RALGPS1: variants seen among roughly 807,000 people sequenced by gnomAD.
The protein encoded by RALGPS1 is ras-specific guanine nucleotide-releasing factor RalGPS1.
Under a neutral mutation model 78.8 loss-of-function variants are expected in RALGPS1, and 19 were observed. The ratio of observed to expected loss-of-function variants is 0.24; its 90% CI spans 0.17 to 0.35. The LOEUF is 0.35. Ranked by LOEUF, RALGPS1 falls within the 10% of genes least tolerant of loss-of-function variation. The probability of loss-of-function intolerance (pLI) is 1.00; values close to 1 mark genes in which losing one functional copy is unlikely to be tolerated. For synonymous variants in RALGPS1, 228 were observed against 256.3 expected (o/e 0.89, Z 1.06); for missense variants, 454 against 688.3 (o/e 0.66, Z 3.81).
At chr9:126,976,313 T>TCTCACACACACA (rs112367251) in intron 3 of RALGPS1, among the ~76,000 whole-genome samples, 1 of 150,350 alleles carries the variant, frequency 6.7e-6, no homozygotes, top group Non-Finnish European at 1.5e-5. Flanking sequence ...ACACTCATTC[T>TCTCACACACACA]CACACACACA....
chr9:127,051,873 T>C (rs1432380150), intron 6 of RALGPS1, among the ~76,000 whole-genome samples: 1 of 152,178 alleles, frequency 6.6e-6, no homozygotes, highest in Non-Finnish European at 1.5e-5. Flanking sequence ...TGCATGGACT[T>C]CTGTGGGGAC....
intron 11 of RALGPS1, among the ~76,000 whole-genome samples, chr9:127,186,531 T>C (rs2060657146): frequency 1.3e-5 from 2 of 152,236 alleles, no homozygotes; most frequent in African/African-American, 4.8e-5. Context: ...TGTCACGTGG[T>C]GGCCACCCCA....
In RALGPS1 at chr9:127,168,782, C is replaced by G; in HGVS notation, c.842+10C>G. 1 of 1,592,802 alleles carries G rather than the reference C, an allele frequency of 6.3e-7. No homozygotes were observed. The highest frequency in any genetic ancestry group is 8.6e-7 in the Non-Finnish European group (1 of 1,160,624). On this transcript the variant is annotated intron_variant, in intron 10 of 18. Coordinates refer to ENST00000259351, the MANE Select transcript of RALGPS1 (RefSeq NM_014636.3). ...AAGACGACAACTACAAGTAAGTCCC[C>G]ACGTATTCCTGTGTCAGGCCTCCCA...
intron 8 of RALGPS1, among the ~76,000 whole-genome samples, chr9:127,125,634 C>T (rs1282326684): frequency 6.6e-6 from 1 of 152,148 alleles, no homozygotes; most frequent in Non-Finnish European, 1.5e-5. Flanking sequence ...CCACTCCCAC[C>T]CTGATCCTCT....
chr9:126,983,980 G>A (rs181167306), intron 4 of RALGPS1, among the ~76,000 whole-genome samples: 2 of 152,220 alleles, frequency 1.3e-5, no homozygotes, highest in East Asian at 1.9e-4. Flanking sequence ...TTCAGGTGGT[G>A]ACTGTTTTAT....
At chr9:127,095,405 A>AT (rs1323369674) in intron 8 of RALGPS1, among the ~76,000 whole-genome samples, 22 of 152,312 alleles carry the variant, frequency 1.4e-4, no homozygotes, top group Non-Finnish European at 2.5e-4. Flanking sequence ...TCCGTCTCAA[A>AT]AAAATAAATA....
chr9:126,941,981 C>G (rs1365788545), intron 1 of RALGPS1, among the ~76,000 whole-genome samples: 1 of 152,180 alleles, frequency 6.6e-6, no homozygotes, highest in East Asian at 1.9e-4. Flanking sequence ...AAAAATAGCT[C>G]ATATTAATCC....
At chr9:127,156,384 A>G (rs1315697916) in intron 8 of RALGPS1, among the ~76,000 whole-genome samples, 1 of 152,166 alleles carries the variant, frequency 6.6e-6, no homozygotes, top group African/African-American at 2.4e-5. Flanking sequence ...GTTTCTATCA[A>G]TTTATGCTGT....
chr9:126,962,914 G>A (rs181088619), intron 2 of RALGPS1, among the ~76,000 whole-genome samples: 48 of 152,302 alleles, frequency 3.2e-4, no homozygotes, highest in African/African-American at 9.9e-4. Flanking sequence ...CCTGCTCCTC[G>A]GACAGATTGG....
chr9:127,121,868 C>T (rs1420147185), intron 8 of RALGPS1, among the ~76,000 whole-genome samples: 1 of 152,296 alleles, frequency 6.6e-6, no homozygotes, highest in East Asian at 1.9e-4. Context: ...TTGCCTTTGC[C>T]TCACATTGTC....
chr9:127,069,110 A>G, intron 7 of RALGPS1, 120 bp from the exon 8 acceptor site: 1 of 994,404 alleles, frequency 1.0e-6, no homozygotes, highest in Non-Finnish European at 1.5e-6. Flanking sequence ...AGTTCTGTCC[A>G]GGATTCGGCA....
chr9:127,083,880 G>A (rs1162828069), intron 8 of RALGPS1, among the ~76,000 whole-genome samples: 1 of 152,158 alleles, frequency 6.6e-6, no homozygotes, highest in African/African-American at 2.4e-5. Flanking sequence ...GAGGTCTGGA[G>A]TGGGGGAAGA....
At chr9:126,979,378 A>G (rs944337818) in intron 4 of RALGPS1, among the ~76,000 whole-genome samples, 2 of 151,642 alleles carry the variant, frequency 1.3e-5, no homozygotes, top group Admixed American at 6.6e-5. Flanking sequence ...ATGTGGTATG[A>G]TCCATTATTT....
intron 8 of RALGPS1, among the ~76,000 whole-genome samples, chr9:127,156,099 C>A (rs1223222307): frequency 6.6e-6 from 1 of 152,138 alleles, no homozygotes; most frequent in Non-Finnish European, 1.5e-5. Flanking sequence ...AAAAACATAT[C>A]ATGGATATCT....
At chr9:126,940,769 G>T (rs2036705643) in intron 1 of RALGPS1, among the ~76,000 whole-genome samples, 1 of 152,156 alleles carries the variant, frequency 6.6e-6, no homozygotes, top group East Asian at 1.9e-4. Context: ...AAATTGAGTA[G>T]TTAGGTGATT....
chr9:127,041,930 G>A (rs895218168), intron 5 of RALGPS1, among the ~76,000 whole-genome samples: 4 of 152,152 alleles, frequency 2.6e-5, no homozygotes, highest in Non-Finnish European at 4.4e-5. Context: ...ACCAGACAAG[G>A]GCTTTATTAC....
rs921893454 is a variant in RALGPS1, at chr9:127,183,019, G to A, written c.910+8237G>A. ...TGAACAAGCATGTCACATGGTGAGA[G>A]CAGAAGCAAGAGATTCAGGGGTGAG... On this transcript the variant is annotated intron_variant, in intron 11 of 18. Coordinates refer to ENST00000259351, the MANE Select transcript of RALGPS1 (RefSeq NM_014636.3). The surrounding 1 kb of genome is among the most constrained non-coding windows in gnomAD (Gnocchi z 4.0). Among the ~76,000 whole-genome samples, 3 of 152,178 alleles carry A rather than the reference G, an allele frequency of 2.0e-5. No homozygotes were observed. The highest frequency in any genetic ancestry group is 4.4e-5 in the Non-Finnish European group (3 of 68,036).
intron 11 of RALGPS1, 126 bp downstream of exon 11, chr9:127,174,908 G>C: frequency 1.3e-6 from 1 of 781,260 alleles, no homozygotes; most frequent in Non-Finnish European, 2.2e-6. Flanking sequence ...AGCTATCCCT[G>C]TTCACAGCCC....
chr9:126,968,861 C>T (rs1440797860), intron 3 of RALGPS1, among the ~76,000 whole-genome samples: 6 of 152,144 alleles, frequency 3.9e-5, no homozygotes, highest in Admixed American at 2.6e-4. Context: ...CCAGTTTGAT[C>T]GACATAGAGA....
Sources: gnomAD v4.1 joint callset for allele counts (sites outside exome capture counted in the v4.1 genomes callset) on GRCh38, gnomAD v4.1.1 for gene constraint, Gnocchi (gnomAD v3.1) non-coding constraint, MANE v1.5 for transcripts, NCBI Gene and HGNC (gene_info 2026-07-23, HGNC 2026-07-21) for gene names.